Variants in STRADA observed in about 807,000 individuals in gnomAD.
The protein encoded by STRADA is STE20 related adaptor alpha.
Under a neutral mutation model 55.0 loss-of-function variants are expected in STRADA, and 26 were observed. That is an observed-to-expected ratio of 0.47 (90% CI 0.35 to 0.66). The LOEUF is 0.66. Among genes scored for constraint, STRADA ranks in the 30% least tolerant of loss-of-function variants. STRADA has a pLI of 0.01. For missense variants in STRADA, 443 were observed against 549.7 expected, an observed-to-expected ratio of 0.81 and a Z score of 1.94; for synonymous variants, 197 against 210.9, an observed-to-expected ratio of 0.93 and a Z score of 0.57.
Position 63,739,634 on chromosome 17 carries a change from A to C in STRADA, c.-45+2107T>G, listed in dbSNP as rs113633766. ...ACACTTATCAAAAATTAAGAAATACATATGTATGTGTATATTATATATTAT... is the reference window on the plus strand; with the variant it reads ...ACACTTATCAAAAATTAAGAAATACCTATGTATGTGTATATTATATATTAT... On this transcript the variant is annotated intron_variant, in intron 1 of 12. Coordinates refer to ENST00000336174, the MANE Select transcript of STRADA (RefSeq NM_001003787.4). Among the ~76,000 whole-genome samples, 1,022 of 150,984 alleles carry C rather than the reference A, an allele frequency of 6.8e-3. 10 individuals are homozygous for C. Among genetic ancestry groups the C allele is most frequent in the African/African-American group, 0.023 (938 of 41,226 alleles).
chr17:63,740,306 C>T (rs2038849558), intron 1 of STRADA, among the ~76,000 whole-genome samples: 1 of 150,938 alleles, frequency 6.6e-6, no homozygotes, highest in African/African-American at 2.4e-5. Context: ...AGGTCAGGAC[C>T]TCAGAGATCG....
intron 9 of STRADA, 74 bp from the exon 10 acceptor site, chr17:63,706,813 A>G: frequency 8.3e-7 from 1 of 1,207,076 alleles, no homozygotes. Context: ...AACTAAAGAG[A>G]GGAAAAGGAT....
At chr17:63,713,943 T>C (rs2036675691) in intron 5 of STRADA, 63 bp downstream of exon 5, 3 of 1,379,920 alleles carry the variant, frequency 2.2e-6, no homozygotes, top group Non-Finnish European at 3.1e-6. Context: ...CTGGGGCTGC[T>C]GAGAAAGCTG....
At chr17:63,738,062 G>A (rs1482439260) in intron 1 of STRADA, among the ~76,000 whole-genome samples, 1 of 151,684 alleles carries the variant, frequency 6.6e-6, no homozygotes, top group Non-Finnish European at 1.5e-5. Flanking sequence ...AAAAGAAGGG[G>A]CTGGGCACGG....
chr17:63,704,108 C>G lies in STRADA; in HGVS notation c.1101-61G>C. 3 of 1,593,700 alleles carry G rather than the reference C, an allele frequency of 1.9e-6. No individual in the cohort carries two copies. The South Asian group carries it at 3.4e-5, about 18-fold the overall frequency. On this transcript the variant is annotated intron_variant, in intron 11 of 12. Transcript: ENST00000336174. ...TGCCGTGTCCCCAGCTTCCCGAAAT[C>G]CTGCCACTTATGCCTCAGCCTCGGG...
rs571093848 is a variant in STRADA, at chr17:63,710,843, G to A, written c.349-7C>T. 2.5e-6 allele frequency: 4 copies of A among 1,613,790 alleles called. No homozygotes were observed. The highest frequency in any genetic ancestry group is 2.2e-5 in the East Asian group (1 of 44,888). On this transcript the variant is annotated splice_region_variant and splice_polypyrimidine_tract_variant and intron_variant, in intron 6 of 12. Transcript: ENST00000336174. ...TGGAGACATGCAGCTCGCCCTGGAA[G>A]CAATGATGAAGCTGAAGTCAGAACC...
At chr17:63,730,042 G>T (rs1220762163) in intron 1 of STRADA, among the ~76,000 whole-genome samples, 1 of 151,800 alleles carries the variant, frequency 6.6e-6, no homozygotes, top group East Asian at 2.0e-4. Context: ...CACCATGTTG[G>T]CCAGGCTAGT....
At chr17:63,740,151 C>CATACATATAT (rs1340895689) in intron 1 of STRADA, among the ~76,000 whole-genome samples, 1 of 79,684 alleles carries the variant, frequency 1.3e-5, no homozygotes, top group African/African-American at 5.5e-5. Context: ...TATATATACA[C>CATACATATAT]ACACACACAC....
In STRADA at chr17:63,710,851, G is replaced by A. The variant is rs745668755; in HGVS notation, c.349-15C>T. 1 of 1,612,754 alleles carries A rather than the reference G, an allele frequency of 6.2e-7. No homozygotes were observed. The highest frequency in any genetic ancestry group is 1.3e-5 in the African/African-American group (1 of 75,032). ...TGCAGCTCGCCCTGGAAGCAATGAT[G>A]AAGCTGAAGTCAGAACCAAATGGCA... On this transcript the variant is annotated splice_polypyrimidine_tract_variant and intron_variant, in intron 6 of 12. Transcript: ENST00000336174.
intron 3 of STRADA, 119 bp from the exon 4 acceptor site, chr17:63,723,445 T>C: frequency 1.6e-6 from 2 of 1,260,860 alleles, no homozygotes; most frequent in African/African-American, 1.5e-5. Flanking sequence ...TTAAAAGTCA[T>C]TACAGCAAAA....
chr17:63,741,592 G>T (rs1324421367), intron 1 of STRADA, 149 bp downstream of exon 1: 1 of 152,622 alleles, frequency 6.6e-6, no homozygotes, highest in Non-Finnish European at 1.5e-5. Flanking sequence ...GGGAGTCGAG[G>T]ACGCGGGTTA....
intron 3 of STRADA, among the ~76,000 whole-genome samples, chr17:63,724,858 C>T (rs527958531): frequency 1.8e-4 from 28 of 152,296 alleles, no homozygotes; most frequent in Non-Finnish European, 4.0e-4. Context: ...AAGAACTCAT[C>T]ATTATTCTAA....
intron 1 of STRADA, among the ~76,000 whole-genome samples, chr17:63,740,823 A>C (rs1377649783): frequency 2.0e-5 from 3 of 152,216 alleles, no homozygotes; most frequent in Non-Finnish European, 4.4e-5. Flanking sequence ...AAGAAATCTG[A>C]TTAAAAAGTA....
rs1028550691 is a variant in STRADA, at chr17:63,704,322, C to T, written c.1100+19G>A. 6.2e-7 allele frequency: 1 copy of T among 1,611,306 alleles called. No individual in the cohort carries two copies. Among genetic ancestry groups the T allele is most frequent in the Non-Finnish European group, 8.5e-7 (1 of 1,179,370 alleles). On this transcript the variant is annotated intron_variant, in intron 11 of 12. Coordinates refer to ENST00000336174, the MANE Select transcript of STRADA (RefSeq NM_001003787.4). The stretch of plus-strand genomic sequence containing the variant: ...ACCCTCTGCTCTCCCGAAGCCCAGG[C>T]CCAGGCCAGCAGGGATACCTGGCAT...
chr17:63,728,389 C>G lies in STRADA; in HGVS notation c.-20G>C, dbSNP rs1401911455. On this transcript the variant is annotated 5_prime_UTR_variant, in exon 2 of 13. Transcript: ENST00000336174. ...TGACATGAGTTCCTACTGTGTAGGC[C>G]TACTTCAGTTTCAAAAACTTAAACC... is the stretch of plus-strand genomic sequence containing the variant. The G allele has an allele frequency of 2.5e-6, 4 of 1,595,834 alleles. No individual in the cohort carries two copies. The highest frequency in any genetic ancestry group is 3.5e-5 in the Admixed American group (2 of 57,138).
At chr17:63,718,208 C>A (rs1857615077) in intron 4 of STRADA, among the ~76,000 whole-genome samples, 3 of 152,186 alleles carry the variant, frequency 2.0e-5, no homozygotes, top group Non-Finnish European at 4.4e-5. Flanking sequence ...CAGGCTTGAG[C>A]CACTGCACCC....
At chr17:63,708,739 TG>T (rs1367907887) in intron 8 of STRADA, among the ~76,000 whole-genome samples, 1 of 152,172 alleles carries the variant, frequency 6.6e-6, no homozygotes, top group Non-Finnish European at 1.5e-5. Flanking sequence ...TTTGCGATGT[TG>T]GCCAGGCTGG....
At chr17:63,717,273 CAAAAT>C (rs1243380589) in intron 4 of STRADA, 2 of 152,120 alleles carry the variant, frequency 1.3e-5, no homozygotes. Flanking sequence ...CTAATGCTCT[CAAAAT>C]AAATTCTAGG....
chr17:63,714,188 C>A lies in STRADA; in HGVS notation c.124-80G>T, dbSNP rs758607013. On this transcript the variant is annotated intron_variant, in intron 4 of 12. Coordinates refer to ENST00000336174, the MANE Select transcript of STRADA (RefSeq NM_001003787.4). The stretch of plus-strand genomic sequence containing the variant: ...GTGGGGTGAAGGTGGTAATTCAGAC[C>A]CACGAGGAGACTGGCATCTAAACAC... 4 of 1,022,512 alleles carry A rather than the reference C, an allele frequency of 3.9e-6. No homozygotes were observed. In the African/African-American group the frequency reaches 4.8e-5, roughly 12 times the overall value. The allele number at this position is 1,022,512 out of a possible 1,614,324, so 63.3% of individuals were successfully genotyped here.
Sources: allele counts gnomAD v4.1 joint callset (sites outside exome capture counted in the v4.1 genomes callset), GRCh38; gene constraint gnomAD v4.1.1; transcripts MANE v1.5; gene names NCBI Gene and HGNC (gene_info 2026-07-23, HGNC 2026-07-21).